The following PLCH1 variants were observed in gnomAD, a reference collection of about 807,000 sequenced individuals.
The protein encoded by PLCH1 is 1-phosphatidylinositol 4,5-bisphosphate phosphodiesterase eta-1.
A neutral mutation model predicts 126.7 loss-of-function variants in PLCH1; 60 were observed. That is an observed-to-expected ratio of 0.47 (90% CI 0.38 to 0.59). The LOEUF is 0.59. Among genes scored for constraint, PLCH1 ranks in the 20% least tolerant of loss-of-function variants. The probability of loss-of-function intolerance (pLI) is 0.00; values close to 1 mark genes in which losing one functional copy is unlikely to be tolerated. For missense variants in PLCH1, 1,723 were observed against 2,040.0 expected (o/e 0.84, Z 2.99); for synonymous variants, 719 against 734.9 (o/e 0.98, Z 0.35).
At chr3:155,453,809 TATAG>T (rs1219148491) in intron 21 of PLCH1, among the ~76,000 whole-genome samples, 1 of 151,292 alleles carries the variant, frequency 6.6e-6, no homozygotes, top group African/African-American at 2.4e-5. Context: ...TGTATTTATC[TATAG>T]ATAAATATAG....
chr3:155,659,344 C>T lies in PLCH1; in HGVS notation c.79+44802G>A, dbSNP rs1577262290. The stretch of plus-strand genomic sequence containing the variant: ...TTTTTTTTTTTTTTTTTTTTTTTTT[C>T]CGAGATAGGGTTTCACTCTGTCACC... On this transcript the variant is annotated intron_variant, in intron 2 of 22. Transcript: ENST00000460012. Among the ~76,000 whole-genome samples the T allele has an allele frequency of 4.6e-4, 11 of 24,126 alleles. No homozygotes were observed. In the South Asian group the frequency reaches 0.01, roughly 22 times the overall value. 15.8% of individuals were successfully genotyped at this position (24,126 alleles called of 152,430 possible).
intron 2 of PLCH1, among the ~76,000 whole-genome samples, chr3:155,698,810 AAAGGAT>A (rs1746026048): frequency 6.6e-6 from 1 of 152,178 alleles, no homozygotes; most frequent in African/African-American, 2.4e-5. Context: ...CATAGGCCTG[AAAGGAT>A]ACCTGCCCTG....
intron 7 of PLCH1, among the ~76,000 whole-genome samples, chr3:155,565,748 T>C (rs1728274689): frequency 6.6e-6 from 1 of 150,776 alleles, no homozygotes; most frequent in South Asian, 2.1e-4. Context: ...CAGGCTGGAG[T>C]GCAATGGCAC....
At chr3:155,699,906 CA>C (rs538672078) in intron 2 of PLCH1, among the ~76,000 whole-genome samples, 1 of 151,878 alleles carries the variant, frequency 6.6e-6, no homozygotes, top group Non-Finnish European at 1.5e-5. Context: ...ACACTAACTA[CA>C]AAGTTTACAG....
intron 2 of PLCH1, among the ~76,000 whole-genome samples, chr3:155,656,499 C>T (rs1741385347): frequency 6.6e-6 from 1 of 152,078 alleles, no homozygotes; most frequent in Non-Finnish European, 1.5e-5. Flanking sequence ...CCTTCTTAGA[C>T]AATTCATTAA....
chr3:155,568,754 CTGTGTG>C (rs3068946), intron 6 of PLCH1, among the ~76,000 whole-genome samples: 1 of 147,280 alleles, frequency 6.8e-6, no homozygotes, highest in Admixed American at 6.8e-5. Context: ...AAATGTACCT[CTGTGTG>C]TGTGTGTGTG....
chr3:155,741,685 T>TTTTA (rs1491520986), intron 1 of PLCH1, among the ~76,000 whole-genome samples: 1 of 57,360 alleles, frequency 1.7e-5, no homozygotes, highest in African/African-American at 8.7e-5. Context: ...TTATATCCTC[T>TTTTA]TTTTTTTTTT....
chr3:155,743,459 G>C (rs548606133), intron 1 of PLCH1: 2 of 414,974 alleles, frequency 4.8e-6, no homozygotes, highest in South Asian at 3.6e-5. Context: ...TTGAACCCAG[G>C]AGGCGGAGGT....
intron 2 of PLCH1, among the ~76,000 whole-genome samples, chr3:155,644,604 AAAATAAAATAAAAT>A: frequency 6.6e-6 from 1 of 152,174 alleles, no homozygotes; most frequent in East Asian, 1.9e-4. Flanking sequence ...CTCCACCTCA[AAAATAAAATAAAAT>A]AAATAAAATA....
Position 155,488,718 on chromosome 3 carries a change from A to T in PLCH1, c.2481T>A (p.Asp827Glu), listed in dbSNP as rs759254473. Reference protein sequence around the residue: ...ALVRFLVWDHDPIGRDFVGQR... With the variant: ...ALVRFLVWDHEPIGRDFVGQR... ...GTCCAACAAAGTCTCGTCCAATGGG[A>T]TCGTGATCCCACACAAGGAACCGAA... Residue 827 changes from aspartate (D) to glutamate (E), a missense_variant, in exon 20 of 23, where the codon GAT becomes GAA. Around this residue, in one of 2 missense-constraint regions of PLCH1, gnomAD observed 776 missense variants for 1,062.9 expected, o/e 0.73. Transcript: ENST00000460012. The T allele has an allele frequency of 9.3e-6, 15 of 1,613,950 alleles. No individual in the cohort carries two copies. Among genetic ancestry groups the T allele is most frequent in the Admixed American group, 3.3e-5 (2 of 60,000 alleles).
At position 155,480,646 on chromosome 3, in the gene PLCH1, A is replaced by G; in HGVS notation, c.*322T>C. 4.6e-6 allele frequency: 1 copy of G among 218,904 alleles called. No individual in the cohort carries two copies. 13.6% of individuals were successfully genotyped at this position (218,904 alleles called of 1,614,324 possible). On this transcript the variant is annotated 3_prime_UTR_variant, in exon 23 of 23. Transcript: ENST00000460012. ...ACATTTGTGACTGCAATCTGAGGACACAGTAAAGGACATCTTGGTGAAACA... is the reference window on the plus strand; with the variant it reads ...ACATTTGTGACTGCAATCTGAGGACGCAGTAAAGGACATCTTGGTGAAACA...
At chr3:155,591,535 A>G (rs1226121698) in intron 4 of PLCH1, among the ~76,000 whole-genome samples, 4 of 152,192 alleles carry the variant, frequency 2.6e-5, no homozygotes, top group Non-Finnish European at 5.9e-5. Flanking sequence ...CATTAAAGAG[A>G]TTTGTAAAAC....
chr3:155,726,630 G>A (rs538098326), intron 1 of PLCH1, among the ~76,000 whole-genome samples: 2 of 150,564 alleles, frequency 1.3e-5, no homozygotes, highest in South Asian at 2.1e-4. Flanking sequence ...CTCTTTAAAT[G>A]TTGCCTTTTC....
chr3:155,739,769 A>G (rs985070464), intron 1 of PLCH1, among the ~76,000 whole-genome samples: 1 of 152,208 alleles, frequency 6.6e-6, no homozygotes, highest in African/African-American at 2.4e-5. Context: ...CCCATGTTAC[A>G]TCTTAGGCAA....
At chr3:155,542,280 T>C (rs1724421488) in intron 10 of PLCH1, among the ~76,000 whole-genome samples, 1 of 152,184 alleles carries the variant, frequency 6.6e-6, no homozygotes, top group Non-Finnish European at 1.5e-5. Flanking sequence ...GTCTCGCCGA[T>C]TGCTAGCACA....
intron 21 of PLCH1, among the ~76,000 whole-genome samples, chr3:155,458,583 GAAGA>G (rs1286817416): frequency 4.9e-4 from 70 of 141,710 alleles, no homozygotes; most frequent in Middle Eastern, 3.5e-3. Context: ...AGAAAGAAAG[GAAGA>G]AAGAAAGAAA....
chr3:155,459,853 A>AT (rs923512607), intron 21 of PLCH1, among the ~76,000 whole-genome samples: 2 of 152,126 alleles, frequency 1.3e-5, no homozygotes, highest in African/African-American at 4.8e-5. Context: ...AGAAATGATG[A>AT]TTTTCCCAAA....
chr3:155,552,327 CT>C (rs1320643316), intron 9 of PLCH1, among the ~76,000 whole-genome samples: 2 of 152,146 alleles, frequency 1.3e-5, no homozygotes, highest in African/African-American at 4.8e-5. Flanking sequence ...AGTTCACAGT[CT>C]TACAGATGTA....
At chr3:155,729,924 C>CA (rs11380418) in intron 1 of PLCH1, among the ~76,000 whole-genome samples, 60,006 of 116,020 alleles carry the variant, frequency 0.52, 16,013 homozygotes, top group African/African-American at 0.76. Flanking sequence ...GACTCCATCT[C>CA]AAAAAAAAAA....
Sources: gnomAD v4.1 joint callset for allele counts (sites outside exome capture counted in the v4.1 genomes callset) on GRCh38, gnomAD v4.1.1 for gene constraint, gnomAD v4.1.1 regional missense constraint, MANE v1.5 for transcripts, NCBI Gene and HGNC (gene_info 2026-07-23, HGNC 2026-07-21) for gene names.